FHAD1: variants seen among roughly 807,000 people sequenced by gnomAD.
FHAD1 encodes forkhead associated phosphopeptide binding domain 1.
Under a neutral mutation model 191.3 loss-of-function variants are expected in FHAD1, and 146 were observed. The observed-to-expected ratio is 0.76, with a 90% CI of 0.67 to 0.88. The LOEUF is 0.88. Ranked by LOEUF, FHAD1 falls within the 40% of genes least tolerant of loss-of-function variation. FHAD1 has a pLI of 0.00. For synonymous variants in FHAD1, 616 were observed against 672.3 expected, an observed-to-expected ratio of 0.92 and a Z score of 1.29; for missense variants, 1,635 against 1,785.8, an observed-to-expected ratio of 0.92 and a Z score of 1.52.
chr1:15,337,621 C>A (rs1415111357), intron 14 of FHAD1, among the ~76,000 whole-genome samples: 3 of 152,190 alleles, frequency 2.0e-5, no homozygotes, highest in African/African-American at 4.8e-5. Context: ...CTAACCATCC[C>A]ACAATGCCTA....
chr1:15,332,997 A>G (rs1008498090), intron 14 of FHAD1, among the ~76,000 whole-genome samples: 1 of 152,110 alleles, frequency 6.6e-6, no homozygotes, highest in African/African-American at 2.4e-5. Context: ...AACCTCTTGG[A>G]ATAATGTTCC....
At chr1:15,402,912 A>T (rs1309308724), downstream of FHAD1, 1 of 152,248 alleles carries the variant, frequency 6.6e-6, no homozygotes, top group Non-Finnish European at 1.5e-5. Context: ...TCTATTGACC[A>T]TAGGTGTCTT....
chr1:15,364,597 A>G (rs1292422547), intron 23 of FHAD1, among the ~76,000 whole-genome samples: 1 of 152,162 alleles, frequency 6.6e-6, no homozygotes, highest in African/African-American at 2.4e-5. Flanking sequence ...GCGACAGAGC[A>G]AGACTCCGTC....
intron 3 of FHAD1, among the ~76,000 whole-genome samples, chr1:15,278,881 G>A (rs1659490486): frequency 6.6e-6 from 1 of 152,046 alleles, no homozygotes; most frequent in African/African-American, 2.4e-5. Context: ...TGACATTAAT[G>A]TATAATATAC....
chr1:15,346,134 C>T (rs1021001692), intron 18 of FHAD1, among the ~76,000 whole-genome samples: 14 of 152,170 alleles, frequency 9.2e-5, no homozygotes, highest in East Asian at 3.9e-4. Flanking sequence ...GTCTGCTCCT[C>T]CCCGGGCCCA....
upstream of FHAD1, among the ~76,000 whole-genome samples, chr1:15,243,813 G>A (rs573081274): frequency 2.6e-5 from 4 of 152,348 alleles, no homozygotes; most frequent in Admixed American, 1.3e-4. Context: ...GCAGTTGTGA[G>A]TAAGTGGCAT....
chr1:15,248,956 A>G (rs970529904), intron 1 of FHAD1, among the ~76,000 whole-genome samples: 3 of 151,994 alleles, frequency 2.0e-5, no homozygotes, highest in Non-Finnish European at 2.9e-5. Flanking sequence ...TCCTCTCAGG[A>G]TATTTGCCCT....
intron 27 of FHAD1, among the ~76,000 whole-genome samples, chr1:15,375,026 T>C (rs1163322699): frequency 6.6e-6 from 1 of 151,810 alleles, no homozygotes; most frequent in Non-Finnish European, 1.5e-5. Context: ...ACCTGGCCAA[T>C]TTTTATATTT....
At chr1:15,269,924 T>C (rs1256105779) in intron 2 of FHAD1, among the ~76,000 whole-genome samples, 1 of 151,186 alleles carries the variant, frequency 6.6e-6, no homozygotes, top group Non-Finnish European at 1.5e-5. Context: ...TCTTTTTTTT[T>C]TTTTTTTTTG....
At chr1:15,274,119 A>G (rs902111070) in intron 3 of FHAD1, among the ~76,000 whole-genome samples, 3 of 152,220 alleles carry the variant, frequency 2.0e-5, no homozygotes, top group Non-Finnish European at 2.9e-5. Flanking sequence ...ATGAGAGACC[A>G]CATTTTGCTT....
intron 5 of FHAD1, among the ~76,000 whole-genome samples, chr1:15,297,671 T>C (rs1223822514): frequency 6.6e-6 from 1 of 152,166 alleles, no homozygotes; most frequent in Admixed American, 6.5e-5. Context: ...CCTTGGAAGG[T>C]TCTCCTGCTG....
chr1:15,353,873 G>A (rs896445352), intron 20 of FHAD1, among the ~76,000 whole-genome samples: 3 of 152,012 alleles, frequency 2.0e-5, no homozygotes, highest in Admixed American at 2.0e-4. Context: ...ACTGAGAATT[G>A]TAAACGCAGT....
At chr1:15,340,764 G>A (rs952360155) in intron 15 of FHAD1, among the ~76,000 whole-genome samples, 3 of 152,166 alleles carry the variant, frequency 2.0e-5, no homozygotes, top group Admixed American at 6.5e-5. Context: ...TAAAGGGCCA[G>A]ATGGTAAATA....
intron 31 of FHAD1, chr1:15,383,113 G>A (rs374657520): frequency 2.1e-6 from 1 of 471,812 alleles, no homozygotes; most frequent in South Asian, 1.5e-5. Context: ...GTGCGACCTT[G>A]TGCAGATCTC....
At chr1:15,350,686 G>T (rs1346341925) in intron 19 of FHAD1, among the ~76,000 whole-genome samples, 1 of 152,230 alleles carries the variant, frequency 6.6e-6, no homozygotes, top group Non-Finnish European at 1.5e-5. Context: ...TGCCATGTGG[G>T]TGTGGTGGCA....
intron 4 of FHAD1, among the ~76,000 whole-genome samples, chr1:15,293,263 C>T (rs6664363): frequency 0.072 from 10,892 of 152,240 alleles, 1,164 homozygotes; most frequent in African/African-American, 0.24. Flanking sequence ...CAACCCTTGC[C>T]CCCAGAGGTA....
intron 3 of FHAD1, among the ~76,000 whole-genome samples, chr1:15,278,802 T>C (rs932905939): frequency 1.1e-4 from 16 of 152,306 alleles, no homozygotes; most frequent in Non-Finnish European, 2.1e-4. Flanking sequence ...GTTCTAAATA[T>C]ACACATACAT....
chr1:15,284,887 G>A (rs902317488), intron 3 of FHAD1, among the ~76,000 whole-genome samples: 4 of 151,950 alleles, frequency 2.6e-5, no homozygotes, highest in Non-Finnish European at 2.9e-5. Flanking sequence ...AAACCACCAC[G>A]CCACACACCA....
In FHAD1 at chr1:15,327,097, T is replaced by C. The variant is rs532427941; in HGVS notation, c.1512T>C (p.Tyr504=). Residue 504 remains tyrosine (Y), a synonymous_variant, in exon 12 of 34, where the codon TAT becomes TAC. Transcript: ENST00000688493. The surrounding 1 kb of genome is among the most constrained non-coding windows in gnomAD (Gnocchi z 5.1). ...HFRSQVIKAT[Y]GRAKPFRDKP... is the part of the protein sequence containing the mutation. ...GAAGTCAAGTCATCAAGGCCACCTATGGACGGGCGAAGCCGTTCCGGGACA... is the reference window on the plus strand; with the variant it reads ...GAAGTCAAGTCATCAAGGCCACCTACGGACGGGCGAAGCCGTTCCGGGACA... 4.5e-6 allele frequency: 7 copies of C among 1,551,458 alleles called. No homozygotes were observed. The East Asian group carries it at 1.7e-4, about 38-fold the overall frequency.
Sources: gnomAD v4.1 joint callset for allele counts (sites outside exome capture counted in the v4.1 genomes callset) on GRCh38, gnomAD v4.1.1 for gene constraint, Gnocchi (gnomAD v3.1) non-coding constraint, MANE v1.5 for transcripts, NCBI Gene and HGNC (gene_info 2026-07-23, HGNC 2026-07-21) for gene names.